The following AMPH variants were observed in gnomAD, a reference collection of about 807,000 sequenced individuals.
AMPH encodes amphiphysin (Stiff-Mann syndrome with breast cancer 128kD autoantigen).
In AMPH, 49 loss-of-function variants were observed where a neutral mutation model predicts 99.1. The ratio of observed to expected loss-of-function variants is 0.49; its 90% confidence interval spans 0.39 to 0.63. The LOEUF (loss-of-function observed/expected upper bound fraction) is 0.63. Among genes scored for constraint, AMPH ranks in the 20% least tolerant of loss-of-function variants. AMPH has a pLI of 0.00. For missense variants in AMPH, 759 were observed against 863.4 expected (o/e 0.88, Z 1.52); for synonymous variants, 314 against 317.3 (o/e 0.99, Z 0.11).
chr7:38,452,288 G>A (rs1180581200), intron 11 of AMPH, among the ~76,000 whole-genome samples: 4 of 152,158 alleles, frequency 2.6e-5, no homozygotes, highest in African/African-American at 9.7e-5. Flanking sequence ...TAAAATAAAT[G>A]TAGACGGATC....
chr7:38,565,079 G>A (rs56267006), intron 1 of AMPH, among the ~76,000 whole-genome samples: 13,859 of 149,900 alleles, frequency 0.092, 677 homozygotes, highest in Middle Eastern at 0.15. Context: ...AGCCGAGATC[G>A]TGCCACTGCA....
At chr7:38,602,468 T>C (rs1793282138) in intron 1 of AMPH, among the ~76,000 whole-genome samples, 1 of 152,194 alleles carries the variant, frequency 6.6e-6, no homozygotes, top group South Asian at 2.1e-4. Context: ...TTGCCTTTTC[T>C]AGTTTCTGAA....
intron 16 of AMPH, among the ~76,000 whole-genome samples, chr7:38,418,568 G>A (rs1785471623): frequency 6.6e-6 from 1 of 152,214 alleles, no homozygotes; most frequent in Admixed American, 6.5e-5. Context: ...CCAAGGCTGG[G>A]AAGAACAGAA....
intron 2 of AMPH, among the ~76,000 whole-genome samples, chr7:38,511,806 T>C (rs113877528): frequency 2.0e-5 from 3 of 152,346 alleles, no homozygotes; most frequent in African/African-American, 7.2e-5. Context: ...AATTTGGAAA[T>C]TGTTAAAGCC....
At chr7:38,469,379 A>C (rs997520892) in intron 7 of AMPH, among the ~76,000 whole-genome samples, 24 of 152,248 alleles carry the variant, frequency 1.6e-4, no homozygotes, top group African/African-American at 5.3e-4. Flanking sequence ...CTCAGAAATA[A>C]AGGAAAAATT....
intron 11 of AMPH, among the ~76,000 whole-genome samples, chr7:38,445,138 C>T (rs1238554736): frequency 7.0e-6 from 1 of 142,700 alleles, no homozygotes; most frequent in Admixed American, 6.9e-5. Context: ...TGATTTTCCA[C>T]AAAGGTACAA....
At chr7:38,540,892 C>A (rs567773312) in intron 1 of AMPH, among the ~76,000 whole-genome samples, 1 of 151,222 alleles carries the variant, frequency 6.6e-6, no homozygotes, top group Admixed American at 6.6e-5. Context: ...TCCAACTAGA[C>A]AAATTTTCAA....
rs148381298 is a variant in AMPH, at chr7:38,461,299, A to G, written c.1001T>C (p.Val334Ala). The stretch of plus-strand genomic sequence containing the variant: ...GGCACTTACCTGGGAAGGTGTTGTC[A>G]CACTGATTTCTGGAACAAAGTTGTC... Reference protein sequence around the residue: ...FEDNFVPEISVTTPSQNEVPE... With the variant: ...FEDNFVPEISATTPSQNEVPE... The change falls in exon 11 of 21, where the codon GTG becomes GCG. Residue 334 changes from valine to alanine, a missense_variant. Coordinates refer to ENST00000356264, the MANE Select transcript of AMPH (RefSeq NM_001635.4). 3.3e-5 allele frequency: 54 copies of G among 1,614,046 alleles called. No homozygotes were observed. The African/African-American group carries it at 4.8e-4, about 14-fold the overall frequency.
At chr7:38,398,182 C>CA (rs33972156) in intron 17 of AMPH, among the ~76,000 whole-genome samples, 53,890 of 114,304 alleles carry the variant, frequency 0.47, 11,460 homozygotes, top group East Asian at 0.58. Flanking sequence ...GGTATATACT[C>CA]AAAAAAAAAA....
At chr7:38,630,989 C>A (rs1227368224) in intron 1 of AMPH, among the ~76,000 whole-genome samples, 1 of 152,174 alleles carries the variant, frequency 6.6e-6, no homozygotes. Flanking sequence ...GGCTTGGGGC[C>A]AGGAGAGCGG....
intron 2 of AMPH, among the ~76,000 whole-genome samples, chr7:38,510,112 C>T (rs1285558279): frequency 1.3e-5 from 2 of 152,142 alleles, no homozygotes; most frequent in Non-Finnish European, 2.9e-5. Flanking sequence ...GACCAAGTGG[C>T]TTTCTCACAG....
chr7:38,466,262 A>C lies in AMPH; in HGVS notation c.591-14T>G. 6.3e-7 allele frequency: 1 copy of C among 1,582,356 alleles called. No individual in the cohort carries two copies. The highest frequency in any genetic ancestry group is 8.6e-7 in the Non-Finnish European group (1 of 1,168,598). ...AATCCAACTCGTCTGCCATGTGGAAACACAAAGAGGAAAGAAGAGAGAGGG... is the reference window on the plus strand; with the variant it reads ...AATCCAACTCGTCTGCCATGTGGAACCACAAAGAGGAAAGAAGAGAGAGGG... On this transcript the variant is annotated splice_polypyrimidine_tract_variant and intron_variant, in intron 7 of 20. Coordinates refer to ENST00000356264, the MANE Select transcript of AMPH (RefSeq NM_001635.4).
chr7:38,516,244 G>A (rs143481767), intron 2 of AMPH, among the ~76,000 whole-genome samples: 150 of 152,302 alleles, frequency 9.8e-4, no homozygotes, highest in African/African-American at 3.2e-3. Flanking sequence ...TCTTGGCAGC[G>A]CCTTCCATCA....
At chr7:38,451,268 C>T (rs1030017) in intron 11 of AMPH, among the ~76,000 whole-genome samples, 100,630 of 150,620 alleles carry the variant, frequency 0.67, 34,744 homozygotes, top group East Asian at 0.89. Context: ...TTTATGTGTG[C>T]ATATACATGT....
At chr7:38,578,624 C>A (rs545734710) in intron 1 of AMPH, among the ~76,000 whole-genome samples, 1 of 152,022 alleles carries the variant, frequency 6.6e-6, no homozygotes, top group Non-Finnish European at 1.5e-5. Context: ...TTTAAATTAA[C>A]CACATGCTGT....
intron 10 of AMPH, 75 bp downstream of exon 10, chr7:38,462,900 G>A (rs7776921): frequency 0.031 from 44,970 of 1,437,394 alleles, 857 homozygotes; most frequent in Admixed American, 0.058. Flanking sequence ...CCCCGGCACC[G>A]TGGGATTATC....
intron 1 of AMPH, among the ~76,000 whole-genome samples, chr7:38,627,055 T>C (rs1794275465): frequency 6.6e-6 from 1 of 152,172 alleles, no homozygotes; most frequent in African/African-American, 2.4e-5. Flanking sequence ...CTAAGTTCCC[T>C]ACCTCCTCCA....
chr7:38,520,439 A>G (rs1164116228), intron 2 of AMPH, among the ~76,000 whole-genome samples: 1 of 152,246 alleles, frequency 6.6e-6, no homozygotes, highest in Non-Finnish European at 1.5e-5. Flanking sequence ...GTAAATACAG[A>G]GAATAAGTGT....
At chr7:38,509,479 C>T (rs1789456714) in intron 2 of AMPH, among the ~76,000 whole-genome samples, 1 of 152,188 alleles carries the variant, frequency 6.6e-6, no homozygotes, top group African/African-American at 2.4e-5. Flanking sequence ...ATTTATTTCC[C>T]TTAAGCCAAC....
Sources: allele counts gnomAD v4.1 joint callset (sites outside exome capture counted in the v4.1 genomes callset), GRCh38; gene constraint gnomAD v4.1.1; transcripts MANE v1.5; gene names NCBI Gene and HGNC (gene_info 2026-07-23, HGNC 2026-07-21).